Variants in ZZEF1 observed in about 807,000 individuals in gnomAD.
ZZEF1 encodes the protein zinc finger ZZ-type and EF-hand domain-containing protein 1.
In ZZEF1, 157 loss-of-function variants were observed where a neutral mutation model predicts 342.8. The observed-to-expected ratio is 0.46, with a 90% confidence interval of 0.40 to 0.52. The LOEUF is 0.52. Ranked by LOEUF, ZZEF1 falls within the 20% of genes least tolerant of loss-of-function variation. The probability of loss-of-function intolerance (pLI) is 0.00; values close to 1 mark genes in which losing one functional copy is unlikely to be tolerated. For synonymous variants in ZZEF1, 1,505 were observed against 1,429.1 expected, an observed-to-expected ratio of 1.05 and a Z score of -1.20; for missense variants, 3,480 against 3,725.6, an observed-to-expected ratio of 0.93 and a Z score of 1.72.
chr17:4,074,400 C>T, intron 23 of ZZEF1, 49 bp from the exon 24 acceptor site: 3 of 1,576,032 alleles, frequency 1.9e-6, no homozygotes, highest in Middle Eastern at 3.3e-4. Context: ...AGGAGGAGTG[C>T]TTCAGAAATC....
intron 10 of ZZEF1, 49 bp from the exon 11 acceptor site, chr17:4,096,028 T>C (rs1422538546): frequency 9.1e-6 from 14 of 1,543,410 alleles, no homozygotes; most frequent in Non-Finnish European, 1.1e-5. Flanking sequence ...AAAAGTTCTG[T>C]GGCCGTTTTG....
In ZZEF1 at chr17:4,004,766, G is replaced by T. The variant is rs1478743686; in HGVS notation, c.*2124C>A. The T allele has an allele frequency of 6.6e-6, 1 of 152,274 alleles. No homozygotes were observed. The highest frequency in any genetic ancestry group is 1.9e-4 in the East Asian group (1 of 5,190). The allele number at this position is 152,274 out of a possible 1,614,324, so 9.4% of individuals were successfully genotyped here. ...CCTCCGGGCCTGGGGCTCCTGGAAAGCGCCGGGACGCGGCGGCTCTGGCTC... is the reference window on the plus strand; with the variant it reads ...CCTCCGGGCCTGGGGCTCCTGGAAATCGCCGGGACGCGGCGGCTCTGGCTC... On this transcript the variant is annotated 3_prime_UTR_variant, in exon 55 of 55. Coordinates refer to ENST00000381638, the MANE Select transcript of ZZEF1 (RefSeq NM_015113.4).
At chr17:4,027,672 T>C (rs2056446654) in intron 42 of ZZEF1, among the ~76,000 whole-genome samples, 1 of 146,764 alleles carries the variant, frequency 6.8e-6, no homozygotes, top group South Asian at 2.2e-4. Flanking sequence ...TGATCATAGC[T>C]CACTGCAGCC....
At chr17:4,134,955 A>T (rs1416420276) in intron 1 of ZZEF1, among the ~76,000 whole-genome samples, 1 of 152,218 alleles carries the variant, frequency 6.6e-6, no homozygotes, top group Non-Finnish European at 1.5e-5. Flanking sequence ...TGTATGGCAG[A>T]TAGTGAGAAC....
chr17:4,064,211 A>T (rs2145231082), intron 29 of ZZEF1, 150 bp downstream of exon 29: 1 of 691,716 alleles, frequency 1.4e-6, no homozygotes, highest in African/African-American at 1.8e-5. Flanking sequence ...AAAAAAAAAA[A>T]ATCAAAACTT....
chr17:4,072,282 G>A (rs2057524793), intron 25 of ZZEF1, among the ~76,000 whole-genome samples: 1 of 152,176 alleles, frequency 6.6e-6, no homozygotes, highest in African/African-American at 2.4e-5. Flanking sequence ...AAAAGGTATA[G>A]CACAAATCAT....
chr17:4,067,205 A>G lies in ZZEF1; in HGVS notation c.4113T>C (p.Phe1371=), dbSNP rs1470425998. 1 of 1,613,602 alleles carries G rather than the reference A, an allele frequency of 6.2e-7. No individual in the cohort carries two copies. The highest frequency in any genetic ancestry group is 8.5e-7 in the Non-Finnish European group (1 of 1,179,844). ...CATCTGCCAAGGAATAAACCTGGGC[A>G]AACTCTTCACTCAGGGCTATTTTGC... ...SGGKIALSEE[F]AQVYSLADGI... is the part of the protein sequence containing the mutation. The change falls in exon 27 of 55, where the codon TTT becomes TTC. Residue 1371 remains phenylalanine, a synonymous_variant. Coordinates refer to ENST00000381638, the MANE Select transcript of ZZEF1 (RefSeq NM_015113.4).
chr17:4,031,661 GC>G (rs1184745634), intron 42 of ZZEF1, among the ~76,000 whole-genome samples: 1 of 152,200 alleles, frequency 6.6e-6, no homozygotes, highest in Non-Finnish European at 1.5e-5. Context: ...ACTCCAGATT[GC>G]CTGGGCCTTG....
intron 39 of ZZEF1, among the ~76,000 whole-genome samples, chr17:4,037,430 A>G (rs2056697669): frequency 6.6e-6 from 1 of 152,246 alleles, no homozygotes; most frequent in Non-Finnish European, 1.5e-5. Context: ...GACATCTGAT[A>G]AACTCCAACC....
chr17:4,117,951 C>T (rs1397751012), intron 2 of ZZEF1, among the ~76,000 whole-genome samples: 1 of 152,132 alleles, frequency 6.6e-6, no homozygotes, highest in Non-Finnish European at 1.5e-5. Context: ...CTTCCACATA[C>T]ATCATATCAT....
intron 42 of ZZEF1, among the ~76,000 whole-genome samples, chr17:4,030,481 T>C (rs1179718813): frequency 2.0e-5 from 3 of 152,224 alleles, no homozygotes; most frequent in Non-Finnish European, 4.4e-5. Flanking sequence ...GTTAAGGTAT[T>C]GTCCCAAATT....
At chr17:4,101,854 T>A (rs1247163159) in intron 9 of ZZEF1, among the ~76,000 whole-genome samples, 1 of 152,126 alleles carries the variant, frequency 6.6e-6, no homozygotes, top group Non-Finnish European at 1.5e-5. Context: ...TGTCTTGAAC[T>A]CCTGGCCTCA....
At position 4,076,681 on chromosome 17, in the gene ZZEF1, G is replaced by A. The variant is rs1160101787; in HGVS notation, c.3190C>T (p.Leu1064Phe). 1.2e-6 allele frequency: 2 copies of A among 1,613,216 alleles called. No individual in the cohort carries two copies. The highest frequency in any genetic ancestry group is 1.7e-6 in the Non-Finnish European group (2 of 1,179,396). ...LLREFSVLTE[L>F]LKKLCSGPEG... is the part of the protein sequence containing the mutation. ...GGGCCACTACAGAGCTTCTTCAGGA[G>A]TTCTGTGAGGACGCTGAACTCTCTC... is the stretch of plus-strand genomic sequence containing the variant. The change falls in exon 21 of 55, where the codon CTC becomes TTC. Residue 1064 changes from leucine to phenylalanine, a missense_variant. Leu to Phe is a conservative substitution (Grantham distance 22, BLOSUM62 0). Coordinates refer to ENST00000381638, the MANE Select transcript of ZZEF1 (RefSeq NM_015113.4).
At chr17:4,140,818 A>G (rs1261034585) in intron 1 of ZZEF1, among the ~76,000 whole-genome samples, 1 of 151,786 alleles carries the variant, frequency 6.6e-6, no homozygotes, top group African/African-American at 2.4e-5. Flanking sequence ...CTACTACTTC[A>G]TATTCTCATA....
intron 15 of ZZEF1, among the ~76,000 whole-genome samples, 189 bp downstream of exon 15, chr17:4,086,296 TC>T (rs1452879527): frequency 3.1e-3 from 52 of 16,768 alleles, no homozygotes; most frequent in African/African-American, 8.7e-3. Context: ...GCAATCCCTT[TC>T]TGGGGGATTC....
chr17:4,077,056 C>G lies in ZZEF1; in HGVS notation c.2990-67G>C, dbSNP rs114016147. 20 of 1,444,462 alleles carry G rather than the reference C, an allele frequency of 1.4e-5. No individual in the cohort carries two copies. The African/African-American group carries it at 2.6e-4, about 19-fold the overall frequency. The allele number at this position is 1,444,462 out of a possible 1,614,324, so 89.5% of individuals were successfully genotyped here. A position where few individuals can be genotyped will look rare whatever the true frequency, so the allele number is the denominator to read the frequency against. On this transcript the variant is annotated intron_variant, in intron 19 of 54. Coordinates refer to ENST00000381638, the MANE Select transcript of ZZEF1 (RefSeq NM_015113.4). Reference sequence around the variant, plus strand: ...AATGTCACATGCTTGGTTATCACCACAGACAAGAATAAAGAGACTCCAGAA... The same window carrying G: ...AATGTCACATGCTTGGTTATCACCAGAGACAAGAATAAAGAGACTCCAGAA...
chr17:4,074,391 G>A, intron 23 of ZZEF1, 40 bp from the exon 24 acceptor site: 1 of 1,600,366 alleles, frequency 6.2e-7, no homozygotes. Context: ...ACAGATTAGA[G>A]GAGGAGTGCT....
intron 2 of ZZEF1, among the ~76,000 whole-genome samples, chr17:4,122,714 TCTTA>T (rs1380348938): frequency 1.3e-5 from 2 of 151,892 alleles, no homozygotes; most frequent in Admixed American, 1.3e-4. Flanking sequence ...CTATTTTTAT[TCTTA>T]CTTAAATTTC....
rs2145055767 is a variant in ZZEF1, at chr17:4,032,820, T to C, written c.6759+8A>G. On this transcript the variant is annotated splice_region_variant and intron_variant, in intron 41 of 54. Transcript: ENST00000381638. ...TGACCAGGCCCTCAGGCCTTCAGAG[T>C]GTGGTACCTGGGGGAAGCCAACCAG... The C allele has an allele frequency of 6.2e-7, 1 of 1,613,392 alleles. No individual in the cohort carries two copies. The highest frequency in any genetic ancestry group is 8.5e-7 in the Non-Finnish European group (1 of 1,179,510).
Sources: allele counts gnomAD v4.1 joint callset (sites outside exome capture counted in the v4.1 genomes callset), GRCh38; gene constraint gnomAD v4.1.1; transcripts MANE v1.5; gene names NCBI Gene and HGNC (gene_info 2026-07-23, HGNC 2026-07-21).